ASIP: variants seen among roughly 807,000 people sequenced by gnomAD.
ASIP encodes the protein agouti-signaling protein.
A neutral mutation model predicts 10.3 loss-of-function variants in ASIP; 11 were observed. The ratio of observed to expected loss-of-function variants is 1.07; its 90% CI spans 0.68 to 1.78. The LOEUF (loss-of-function observed/expected upper bound fraction) is 1.78. Among genes scored for constraint, ASIP ranks in the 40% most tolerant of loss-of-function variants. The pLI is 0.00. For synonymous variants in ASIP, 70 were observed against 70.8 expected (o/e 0.99, Z 0.06); for missense variants, 180 against 169.2 (o/e 1.06, Z -0.35).
At position 34,220,531 on chromosome 20, in the gene ASIP, G is replaced by T. The variant is rs112487470; in HGVS notation, c.-11+25771G>T. Among the ~76,000 whole-genome samples the T allele has an allele frequency of 5.1e-4, 77 of 151,514 alleles. 1 individual carries two copies. The highest frequency in any genetic ancestry group is 6.8e-3 in the Middle Eastern group (2 of 294). On this transcript the variant is annotated intron_variant, in intron 1 of 3. Transcript: ENST00000568305. ...GATCGCTTGAACCCAGGAGGCAGAG[G>T]TTGCAGTGTGCTGAGATCATGCCAC...
chr20:34,267,642 C>A (rs1172646959), intron 3 of ASIP, among the ~76,000 whole-genome samples: 1 of 151,958 alleles, frequency 6.6e-6, no homozygotes, highest in African/African-American at 2.4e-5. Flanking sequence ...AACAATTCTC[C>A]TGCCTCAGCC....
rs986164159 is a variant in ASIP at position 34,245,820 on chromosome 20, C to T, written c.-11+4331C>T. 9.1e-6 allele frequency: 7 copies of T among 767,572 alleles called. No homozygotes were observed. The Admixed American group carries it at 1.7e-4, about 19-fold the overall frequency. The allele number at this position is 767,572 out of a possible 1,614,324, so 47.5% of individuals were successfully genotyped here. On this transcript the variant is annotated intron_variant, in intron 1 of 3. Transcript: ENST00000374954. ...ACAGTGAAAATGCCAAGGACGAGGG[C>T]AGTCTACAGTTTTACTGTAGAATAT...
chr20:34,246,152 A>T, intron 1 of ASIP: 2 of 1,009,070 alleles, frequency 2.0e-6, no homozygotes, highest in Non-Finnish European at 3.0e-6. Context: ...AAGGCCACAC[A>T]CTCTTGTCAC....
At chr20:34,265,853 G>A (rs749417940) in intron 3 of ASIP, among the ~76,000 whole-genome samples, 4 of 151,990 alleles carry the variant, frequency 2.6e-5, no homozygotes, top group Non-Finnish European at 4.4e-5. Context: ...AGGAGACTGA[G>A]GCAGGAGAAT....
chr20:34,214,989 A>T, intron 1 of ASIP: 2 of 1,412,856 alleles, frequency 1.4e-6, no homozygotes, highest in Non-Finnish European at 2.0e-6. Flanking sequence ...TTACCGGCTT[A>T]GAAAATCTGG....
At chr20:34,203,399 T>TTA (rs199561662) in intron 1 of ASIP, among the ~76,000 whole-genome samples, 2,757 of 151,172 alleles carry the variant, frequency 0.018, 88 homozygotes, top group African/African-American at 0.063. Context: ...TATATGTATA[T>TTA]TATATATATA....
intron 1 of ASIP, among the ~76,000 whole-genome samples, chr20:34,206,355 C>A (rs12625272): frequency 1.3e-5 from 2 of 152,062 alleles, no homozygotes; most frequent in African/African-American, 2.4e-5. Context: ...CCCTACTACC[C>A]TTCCCACCTT....
intron 1 of ASIP, among the ~76,000 whole-genome samples, chr20:34,256,905 C>T (rs893645372): frequency 1.3e-5 from 2 of 151,980 alleles, no homozygotes; most frequent in Non-Finnish European, 2.9e-5. Context: ...CTCAGCCACC[C>T]GAGTAGCTGG....
intron 1 of ASIP, chr20:34,245,844 A>G: frequency 1.3e-6 from 1 of 776,050 alleles, no homozygotes; most frequent in Non-Finnish European, 1.6e-6. Flanking sequence ...ACTGTAGAAT[A>G]TATATATATT....
intron 1 of ASIP, among the ~76,000 whole-genome samples, chr20:34,225,210 T>C (rs1001508549): frequency 2.0e-5 from 3 of 151,708 alleles, no homozygotes; most frequent in African/African-American, 7.3e-5. Context: ...CCCGGCTAAT[T>C]TTTGTGTTTT....
intron 1 of ASIP, among the ~76,000 whole-genome samples, chr20:34,257,042 TTCTTTCTTTCTCTCTC>T (rs1211597796): frequency 2.7e-5 from 4 of 150,232 alleles, no homozygotes; most frequent in African/African-American, 9.9e-5. Flanking sequence ...TTCTTTCTTT[TTCTTTCTTTCTCTCTC>T]TCTTTCTTTC....
At chr20:34,187,896 A>G in the ASIP span, among the ~76,000 whole-genome samples, 1 of 152,246 alleles carries the variant, frequency 6.6e-6, no homozygotes, top group South Asian at 2.1e-4. Flanking sequence ...TCCAAGTCCA[A>G]AAGGAGAGAA....
upstream of ASIP, among the ~76,000 whole-genome samples, chr20:34,191,440 A>G (rs1185840390): frequency 6.6e-6 from 1 of 152,100 alleles, no homozygotes; most frequent in Non-Finnish European, 1.5e-5. Flanking sequence ...TGTCATCCCC[A>G]TTGAAGGCCC....
intron 1 of ASIP, among the ~76,000 whole-genome samples, chr20:34,235,183 T>C (rs762604375): frequency 1.3e-5 from 2 of 152,252 alleles, no homozygotes; most frequent in Non-Finnish European, 1.5e-5. Flanking sequence ...GGCTCACGCC[T>C]GTAATCCCAG....
chr20:34,260,445 T>C lies in ASIP; in HGVS notation c.71T>C (p.Leu24Pro). The C allele has an allele frequency of 6.2e-7, 1 of 1,614,198 alleles. No homozygotes were observed. The highest frequency in any genetic ancestry group is 8.5e-7 in the Non-Finnish European group (1 of 1,180,010). Residue 24 changes from leucine (L) to proline (P), a missense_variant, in exon 2 of 4, where the codon CTG becomes CCG. Physicochemically the swap from Leu to Pro is moderately conservative, Grantham distance 98. Transcript: ENST00000374954. ...FLCFFTANSH[L>P]PPEEKLRDDR... is the part of the protein sequence containing the mutation. ...TGCTTCTTCACTGCCAACAGCCACC[T>C]GCCACCTGAGGAGAAGCTCCGAGAT...
intron 1 of ASIP, among the ~76,000 whole-genome samples, chr20:34,195,843 A>G (rs550274807): frequency 6.6e-6 from 1 of 152,226 alleles, no homozygotes; most frequent in East Asian, 1.9e-4. Flanking sequence ...GTGAGGAACA[A>G]TTACTTTTAA....
intron 1 of ASIP, among the ~76,000 whole-genome samples, chr20:34,201,370 A>T (rs1297823599): frequency 2.6e-5 from 4 of 152,304 alleles, no homozygotes; most frequent in Admixed American, 2.6e-4. Context: ...CTTTTCACAA[A>T]GTGCACAGTG....
rs1336922136 is a variant in ASIP, at chr20:34,258,685, A to ATATATATATATATATATATATATG, written c.-10-1674_-10-1673insTATATATATATATATATGTATATA. 1.9e-4 allele frequency among the ~76,000 whole-genome samples: 14 copies of ATATATATATATATATATATATATG among 74,468 alleles called. 1 individual carries two copies. Among genetic ancestry groups the ATATATATATATATATATATATATG allele is most frequent in the African/African-American group, 1.1e-3 (13 of 11,584 alleles). 48.9% of individuals were successfully genotyped at this position (74,468 alleles called of 152,430 possible). ...TAGAAGGGGGATGCCATATATATAT[A>ATATATATATATATATATATATATG]TATATACATACTATATATATATATT... On this transcript the variant is annotated intron_variant, in intron 1 of 3. Transcript: ENST00000374954.
intron 1 of ASIP, chr20:34,246,431 G>T: frequency 1.5e-6 from 2 of 1,360,206 alleles, no homozygotes; most frequent in South Asian, 1.2e-5. Flanking sequence ...TGTTGGTAAT[G>T]AACAGACTCC....
Sources: gnomAD v4.1 joint callset for allele counts (sites outside exome capture counted in the v4.1 genomes callset) on GRCh38, gnomAD v4.1.1 for gene constraint, MANE v1.5 for transcripts, NCBI Gene and HGNC (gene_info 2026-07-23, HGNC 2026-07-21) for gene names.